The following RUBCN variants were observed in gnomAD, a reference collection of about 807,000 sequenced individuals.
RUBCN encodes run domain Beclin-1-interacting and cysteine-rich domain-containing protein.
Under a neutral mutation model 113.2 loss-of-function variants are expected in RUBCN, and 74 were observed. The ratio of observed to expected loss-of-function variants is 0.65; its 90% CI spans 0.54 to 0.79. The LOEUF is 0.79. RUBCN is among the 30% of genes least tolerant of loss of function. The pLI, the probability that RUBCN is intolerant of heterozygous loss-of-function variation, is 0.00. For missense variants in RUBCN, 1,109 were observed against 1,251.7 expected (o/e 0.89, Z 1.72); for synonymous variants, 480 against 490.0 (o/e 0.98, Z 0.27).
At chr3:197,721,920 A>C (rs1216899617) in intron 1 of RUBCN, among the ~76,000 whole-genome samples, 2 of 152,050 alleles carry the variant, frequency 1.3e-5, no homozygotes, top group African/African-American at 4.8e-5. Flanking sequence ...ATTGATTTCT[A>C]GTTGTATTGC....
In RUBCN at chr3:197,683,524, C is replaced by A. The variant is rs978977515; in HGVS notation, c.1848-85G>T. On this transcript the variant is annotated intron_variant, in intron 12 of 19. Coordinates refer to ENST00000296343, the MANE Select transcript of RUBCN (RefSeq NM_014687.4). This position sits in a 1 kb window ranked among gnomAD's most constrained non-coding sequence, Gnocchi z 4.6. ...TCCCTTCATGATCTCATCCCCCACG[C>A]AGCAACTTCTGGGCTGGAAGAACAC... is the stretch of plus-strand genomic sequence containing the variant. The A allele has an allele frequency of 1.3e-5, 19 of 1,518,414 alleles. No homozygotes were observed. The highest frequency in any genetic ancestry group is 1.5e-5 in the Non-Finnish European group (17 of 1,104,554). The allele number at this position is 1,518,414 out of a possible 1,614,324, so 94.1% of individuals were successfully genotyped here.
In RUBCN at chr3:197,683,114, C is replaced by T. The variant is rs565384174; in HGVS notation, c.1980+193G>A. Among the ~76,000 whole-genome samples the T allele has an allele frequency of 2.6e-5, 4 of 152,372 alleles. No individual in the cohort carries two copies. Among genetic ancestry groups the T allele is most frequent in the Admixed American group, 1.3e-4 (2 of 15,314 alleles). ...ACGTGAATAAGGACCGCGAACGCGCCGTCATCTCTGCTCTGACAAGGTGAG... is the reference window on the plus strand; with the variant it reads ...ACGTGAATAAGGACCGCGAACGCGCTGTCATCTCTGCTCTGACAAGGTGAG... On this transcript the variant is annotated intron_variant, in intron 13 of 19. Coordinates refer to ENST00000296343, the MANE Select transcript of RUBCN (RefSeq NM_014687.4). The surrounding 1 kb of genome is among the most constrained non-coding windows in gnomAD (Gnocchi z 4.6).
Position 197,674,909 on chromosome 3 carries a change from A to AT in RUBCN, c.*108_*109insA. 7.4e-6 allele frequency: 1 copy of AT among 134,674 alleles called. No individual in the cohort carries two copies. The highest frequency in any genetic ancestry group is 4.7e-5 in the African/African-American group (1 of 21,472). 8.3% of individuals were successfully genotyped at this position (134,674 alleles called of 1,614,324 possible). ...AAAAAAAAAAAAGATGATGATAATT[A>AT]AAAAAAAAAAAAAAAAAAGAAGCCC... On this transcript the variant is annotated 3_prime_UTR_variant, in exon 20 of 20. Transcript: ENST00000296343.
Position 197,695,909 on chromosome 3 carries a change from T to A in RUBCN, c.1430A>T (p.Tyr477Phe). The stretch of plus-strand genomic sequence containing the variant: ...GCTGCCGAAGTCTTGCTCAGAGAGG[T>A]AGCTGATGAGGGACTGTCCTTCTGA... Reference protein sequence around the residue: ...RPSEGQSLISYLSEQDFGSCA... With the variant: ...RPSEGQSLISFLSEQDFGSCA... The change falls in exon 9 of 20, where the codon TAC becomes TTC. Residue 477 changes from tyrosine to phenylalanine, a missense_variant. Transcript: ENST00000296343. 1 of 1,614,042 alleles carries A rather than the reference T, an allele frequency of 6.2e-7. No homozygotes were observed. The highest frequency in any genetic ancestry group is 8.5e-7 in the Non-Finnish European group (1 of 1,179,998).
In RUBCN at chr3:197,736,795, C is replaced by T; in HGVS notation, c.-76G>A. 6.7e-7 allele frequency: 1 copy of T among 1,484,096 alleles called. No homozygotes were observed. Among genetic ancestry groups the T allele is most frequent in the Admixed American group, 2.3e-5 (1 of 43,944 alleles). The allele number at this position is 1,484,096 out of a possible 1,614,324, so 91.9% of individuals were successfully genotyped here. Reference sequence around the variant, plus strand: ...CGCCCTTCAGGGCTCCCGGGGCCCCCTGGGGCCGGAGGAGGCACCTGCGGC... The same window carrying T: ...CGCCCTTCAGGGCTCCCGGGGCCCCTTGGGGCCGGAGGAGGCACCTGCGGC... On this transcript the variant is annotated 5_prime_UTR_variant, in exon 1 of 20. Coordinates refer to ENST00000296343, the MANE Select transcript of RUBCN (RefSeq NM_014687.4).
In RUBCN at chr3:197,733,534, T is replaced by C. The variant is rs540456845; in HGVS notation, c.65+3121A>G. On this transcript the variant is annotated intron_variant, in intron 1 of 19. Transcript: ENST00000296343. ...TGATGCTATCTCATCAAGAAGACTG[T>C]TTCTGAACTGGGTATTTCATTGGCC... Among the ~76,000 whole-genome samples the C allele has an allele frequency of 8.5e-5, 13 of 152,282 alleles. 1 individual carries two copies. In the East Asian group the frequency reaches 2.5e-3, roughly 29 times the overall value.
intron 1 of RUBCN, among the ~76,000 whole-genome samples, chr3:197,728,241 A>G (rs1397072477): frequency 6.6e-6 from 1 of 152,252 alleles, no homozygotes; most frequent in Non-Finnish European, 1.5e-5. Context: ...TCAAAAAACA[A>G]AAACAGCTGT....
At chr3:197,733,286 A>G (rs1727731420) in intron 1 of RUBCN, among the ~76,000 whole-genome samples, 1 of 152,178 alleles carries the variant, frequency 6.6e-6, no homozygotes, top group Non-Finnish European at 1.5e-5. Context: ...TGGCCTAGGC[A>G]ACATGGTGAG....
intron 1 of RUBCN, among the ~76,000 whole-genome samples, chr3:197,742,050 G>T (rs1276718923): frequency 1.3e-5 from 2 of 151,648 alleles, no homozygotes. Context: ...GGCGCCCGCT[G>T]CCGCCTGGCT....
Position 197,701,727 on chromosome 3 carries a change from G to T in RUBCN, c.708C>A (p.Ser236=). 2.5e-6 allele frequency: 4 copies of T among 1,614,068 alleles called. No individual in the cohort carries two copies. The highest frequency in any genetic ancestry group is 1.3e-5 in the African/African-American group (1 of 75,026). The part of the protein sequence containing the change: ...YFGSFSSLHQ[S]VPNNGSERRS... The stretch of plus-strand genomic sequence containing the variant: ...CCATACCTGAGCCATTGTTGGGCAC[G>T]GATTGGTGGAGGCTAGAGAAGGACC... Residue 236 remains serine (S), a synonymous_variant, in exon 6 of 20, where the codon TCC becomes TCA. Coordinates refer to ENST00000296343, the MANE Select transcript of RUBCN (RefSeq NM_014687.4).
At chr3:197,728,294 T>G (rs1029342174) in intron 1 of RUBCN, among the ~76,000 whole-genome samples, 1 of 152,238 alleles carries the variant, frequency 6.6e-6, no homozygotes, top group African/African-American at 2.4e-5. Flanking sequence ...TGCAGTCCCC[T>G]CCTGGGTTCT....
intron 1 of RUBCN, among the ~76,000 whole-genome samples, chr3:197,724,403 AATAT>A (rs1159154925): frequency 2.6e-5 from 4 of 152,198 alleles, no homozygotes; most frequent in Admixed American, 2.6e-4. Flanking sequence ...ATATATATGA[AATAT>A]ATAATAAATA....
chr3:197,749,240 A>T, intron 1 of RUBCN: 1 of 1,025,950 alleles, frequency 9.7e-7, no homozygotes, highest in Non-Finnish European at 1.2e-6. Context: ...ATTAGAAGAA[A>T]ATGCAGCTAC....
chr3:197,696,744 G>A (rs1366338259), intron 8 of RUBCN, among the ~76,000 whole-genome samples: 1 of 152,192 alleles, frequency 6.6e-6, no homozygotes, highest in Non-Finnish European at 1.5e-5. Flanking sequence ...GTAAGAGAGG[G>A]TGGGACCCCC....
chr3:197,736,733 G>A lies in RUBCN; in HGVS notation c.-14C>T. Reference sequence around the variant, plus strand: ...CTCCGGCCGCATCCGGGGCGGTGAGGCCGCCTCTTCGCCCAAGAGAGGCGT... The same window carrying A: ...CTCCGGCCGCATCCGGGGCGGTGAGACCGCCTCTTCGCCCAAGAGAGGCGT... On this transcript the variant is annotated 5_prime_UTR_variant, in exon 1 of 20. Transcript: ENST00000296343. The A allele has an allele frequency of 6.5e-7, 1 of 1,528,278 alleles. No homozygotes were observed. Among genetic ancestry groups the A allele is most frequent in the Non-Finnish European group, 8.7e-7 (1 of 1,144,446 alleles). 94.7% of individuals were successfully genotyped at this position (1,528,278 alleles called of 1,614,324 possible). A position where few individuals can be genotyped will look rare whatever the true frequency, so the allele number is the denominator to read the frequency against.
At chr3:197,726,462 G>A (rs1045261397) in intron 1 of RUBCN, among the ~76,000 whole-genome samples, 2 of 151,776 alleles carry the variant, frequency 1.3e-5, no homozygotes, top group African/African-American at 4.8e-5. Context: ...TAGCCAGGAT[G>A]GTCTCGATCT....
Position 197,681,115 on chromosome 3 carries a change from T to A in RUBCN, c.2430+14A>T. ...AAGGGCAAGACTCTAAGGTGGCCTT[T>A]TCCAAGGTCTTACCCGGACTTGATT... On this transcript the variant is annotated intron_variant, in intron 16 of 19. Transcript: ENST00000296343. This position sits in a 1 kb window ranked among gnomAD's most constrained non-coding sequence, Gnocchi z 5.5. The A allele has an allele frequency of 1.3e-6, 2 of 1,585,490 alleles. No homozygotes were observed. Among genetic ancestry groups the A allele is most frequent in the South Asian group, 2.2e-5 (2 of 90,424 alleles).
rs1313848216 is a variant in RUBCN, at chr3:197,736,571, C to T, written c.65+84G>A. On this transcript the variant is annotated intron_variant, in intron 1 of 19. Coordinates refer to ENST00000296343, the MANE Select transcript of RUBCN (RefSeq NM_014687.4). ...TCAAGACTCGTCGCGCCCGGCCCTT[C>T]TCTCCGTGACCCCGCGCCCTCCCAA... The T allele has an allele frequency of 2.2e-5, 30 of 1,394,344 alleles. No individual in the cohort carries two copies. The South Asian group carries it at 3.6e-4, about 17-fold the overall frequency. 86.4% of individuals were successfully genotyped at this position (1,394,344 alleles called of 1,614,324 possible).
Position 197,719,492 on chromosome 3 carries a change from A to G in RUBCN, c.66-1362T>C, listed in dbSNP as rs537291968. Among the ~76,000 whole-genome samples, 9 of 148,604 alleles carry G rather than the reference A, an allele frequency of 6.1e-5. No individual in the cohort carries two copies. In the East Asian group the frequency reaches 1.5e-3, roughly 25 times the overall value. On this transcript the variant is annotated intron_variant, in intron 1 of 19. Transcript: ENST00000296343. Reference sequence around the variant, plus strand: ...AGATTGTCTCAAAAAAAAAAAAAAAAAAAAAAGAACATGATAAATCCCAAA... The same window carrying G: ...AGATTGTCTCAAAAAAAAAAAAAAAGAAAAAAGAACATGATAAATCCCAAA...
Sources: allele counts gnomAD v4.1 joint callset (sites outside exome capture counted in the v4.1 genomes callset), GRCh38; gene constraint gnomAD v4.1.1; non-coding constraint Gnocchi (gnomAD v3.1); transcripts MANE v1.5; gene names NCBI Gene and HGNC (gene_info 2026-07-23, HGNC 2026-07-21).